Variants in SULF1 observed in about 807,000 individuals in gnomAD.
The protein encoded by SULF1 is sulfatase 1, also known as extracellular sulfatase Sulf-1.
A neutral mutation model predicts 110.5 loss-of-function variants in SULF1; 46 were observed. The observed-to-expected ratio is 0.42, with a 90% confidence interval of 0.33 to 0.53. The LOEUF (loss-of-function observed/expected upper bound fraction) is 0.53. Ranked by LOEUF, SULF1 falls within the 20% of genes least tolerant of loss-of-function variation. The pLI, the probability that SULF1 is intolerant of heterozygous loss-of-function variation, is 0.12. For missense variants in SULF1, 941 were observed against 1,094.2 expected (o/e 0.86, Z 1.98); for synonymous variants, 371 against 387.1 (o/e 0.96, Z 0.49).
Position 69,576,014 on chromosome 8 carries a change from G to A in SULF1, c.217G>A (p.Gly73Arg). ...MNKTRKIMEHGGATFINAFVT... is the reference protein window; with the variant it reads ...MNKTRKIMEHRGATFINAFVT... ...CAAAACGAGAAAGATTATGGAACATGGGGGGGCCACCTTCATCAATGCCTT... is the reference window on the plus strand; with the variant it reads ...CAAAACGAGAAAGATTATGGAACATAGGGGGGCCACCTTCATCAATGCCTT... The change falls in exon 6 of 23, where the codon GGG (glycine) becomes AGG (arginine). Residue 73 changes from glycine to arginine, a missense_variant. This residue lies in a region of SULF1 where 822 missense variants were observed against 934.3 expected (regional missense o/e 0.88). Coordinates refer to ENST00000402687, the MANE Select transcript of SULF1 (RefSeq NM_001128205.2). 6.2e-7 allele frequency: 1 copy of A among 1,613,854 alleles called. No individual in the cohort carries two copies. The highest frequency in any genetic ancestry group is 1.1e-5 in the South Asian group (1 of 91,042).
In SULF1 at chr8:69,621,041, C is replaced by T; in HGVS notation, c.1384C>T (p.Gln462Ter). The T allele has an allele frequency of 6.3e-7, 1 of 1,599,214 alleles. No homozygotes were observed. The highest frequency in any genetic ancestry group is 8.6e-7 in the Non-Finnish European group (1 of 1,168,592). The change falls in exon 14 of 23, where the codon CAA (glutamine) becomes TAA (stop). Residue 462 changes from glutamine to a stop codon, truncating the protein, a stop_gained. Coordinates refer to ENST00000402687, the MANE Select transcript of SULF1 (RefSeq NM_001128205.2). LOFTEE classifies it high-confidence loss of function. ...TACEQPGQKW[Q>*]CIEDTSGKLR... ...TTCACGTTGGCTTTTGCAGAAGTGG[C>T]AATGCATTGAGGATACATCTGGCAA...
chr8:69,605,991 A>C lies in SULF1; in HGVS notation c.1377+1059A>C, dbSNP rs150573507. Reference sequence around the variant, plus strand: ...AGGTGAAGAGAAGTTCAAATCTGTGAGTCTTTTTTAACTTAACTGACCTCT... The same window carrying C: ...AGGTGAAGAGAAGTTCAAATCTGTGCGTCTTTTTTAACTTAACTGACCTCT... On this transcript the variant is annotated intron_variant, in intron 13 of 22. Transcript: ENST00000402687. 2.4e-3 allele frequency among the ~76,000 whole-genome samples: 364 copies of C among 152,308 alleles called. 1 individual carries two copies. Among genetic ancestry groups the C allele is most frequent in the African/African-American group, 8.5e-3 (353 of 41,570 alleles).
intron 6 of SULF1, among the ~76,000 whole-genome samples, chr8:69,578,347 T>A (rs1370687621): frequency 6.6e-6 from 1 of 152,022 alleles, no homozygotes; most frequent in African/African-American, 2.4e-5. Context: ...TATTTGTTTA[T>A]TTATTTTATT....
At chr8:69,495,101 A>G (rs1313942745) in intron 1 of SULF1, among the ~76,000 whole-genome samples, 1 of 152,230 alleles carries the variant, frequency 6.6e-6, no homozygotes, top group East Asian at 1.9e-4. Flanking sequence ...ATAGAATACC[A>G]TAGAACAAGA....
intron 18 of SULF1, 53 bp from the exon 19 acceptor site, chr8:69,629,451 T>A (rs943714070): frequency 6.6e-5 from 102 of 1,539,806 alleles, no homozygotes; most frequent in Non-Finnish European, 8.6e-5. Flanking sequence ...AGCCTATTTG[T>A]AATTGAGAAA....
At chr8:69,562,066 C>T (rs774560227) in intron 3 of SULF1, among the ~76,000 whole-genome samples, 13 of 152,296 alleles carry the variant, frequency 8.5e-5, no homozygotes, top group Non-Finnish European at 1.8e-4. Context: ...TTGTTTGTTG[C>T]AGATAATGTA....
chr8:69,504,788 C>T (rs777813386), intron 3 of SULF1, among the ~76,000 whole-genome samples: 66 of 152,020 alleles, frequency 4.3e-4, no homozygotes, highest in Non-Finnish European at 7.1e-4. Context: ...GATAAGCAGA[C>T]GAGTCACTTC....
chr8:69,584,013 A>T (rs1446463499), intron 6 of SULF1, among the ~76,000 whole-genome samples: 1 of 152,218 alleles, frequency 6.6e-6, no homozygotes, highest in Non-Finnish European at 1.5e-5. Context: ...TAACAGAGAA[A>T]TAGGAGATGG....
intron 19 of SULF1, among the ~76,000 whole-genome samples, chr8:69,634,924 C>T (rs918893725): frequency 2.0e-5 from 3 of 152,138 alleles, no homozygotes; most frequent in African/African-American, 7.2e-5. Context: ...TCTCCTGCCT[C>T]AGCTGGGATT....
rs766119928 is a variant in SULF1 at position 69,576,091 on chromosome 8, G to T, written c.294G>T (p.Lys98Asn). 6 of 1,614,188 alleles carry T rather than the reference G, an allele frequency of 3.7e-6. No individual in the cohort carries two copies. Among genetic ancestry groups the T allele is most frequent in the Non-Finnish European group, 5.1e-6 (6 of 1,180,034 alleles). The change falls in exon 6 of 23, where the codon AAG becomes AAT. Residue 98 changes from lysine (K) to asparagine (N), a missense_variant. This residue lies in a region of SULF1 where 822 missense variants were observed against 934.3 expected (regional missense o/e 0.88). Transcript: ENST00000402687. Reference protein sequence around the residue: ...CPSRSSMLTGKYVHNHNVYTN... With the variant: ...CPSRSSMLTGNYVHNHNVYTN... ...CACGGTCCTCCATGCTCACCGGGAA[G>T]TATGTGCACAATCACAATGTCTACA...
At chr8:69,580,573 A>T (rs1038648643) in intron 6 of SULF1, among the ~76,000 whole-genome samples, 1 of 152,174 alleles carries the variant, frequency 6.6e-6, no homozygotes, top group African/African-American at 2.4e-5. Flanking sequence ...TTCTTGTCCA[A>T]AGTTACAGTG....
chr8:69,490,545 G>C (rs957050465), upstream of SULF1, among the ~76,000 whole-genome samples: 1 of 152,156 alleles, frequency 6.6e-6, no homozygotes, highest in Non-Finnish European at 1.5e-5. Context: ...TAAAGTCCAA[G>C]CCAGATTGCC....
At chr8:69,611,208 A>G (rs1340569901) in intron 13 of SULF1, among the ~76,000 whole-genome samples, 1 of 152,250 alleles carries the variant, frequency 6.6e-6, no homozygotes, top group Non-Finnish European at 1.5e-5. Context: ...AATTAAATGT[A>G]TCAAGCATCT....
At chr8:69,504,519 T>G (rs1307371076) in intron 3 of SULF1, among the ~76,000 whole-genome samples, 1 of 152,104 alleles carries the variant, frequency 6.6e-6, no homozygotes, top group African/African-American at 2.4e-5. Context: ...TGTGCCATTG[T>G]ACTCCAGCCT....
chr8:69,467,684 AG>A (rs1321930621), intron 1 of SULF1, among the ~76,000 whole-genome samples: 2 of 152,258 alleles, frequency 1.3e-5, no homozygotes, highest in African/African-American at 4.8e-5. Context: ...GGAAAACTAA[AG>A]TAGCATCTCT....
At position 69,658,208 on chromosome 8, in the gene SULF1, G is replaced by C. The variant is rs112441747; in HGVS notation, c.2586-297G>C. ...GCTCTTCTGGTTGCAAAGTTGATTT[G>C]AGTGGGGCCAGGAGTGAAACCCAAA... On this transcript the variant is annotated intron_variant, in intron 22 of 22. Transcript: ENST00000402687. Among the ~76,000 whole-genome samples the C allele has an allele frequency of 7.0e-3, 1,071 of 152,290 alleles. 12 individuals are homozygous for C. The highest frequency in any genetic ancestry group is 0.025 in the African/African-American group (1,026 of 41,538).
intron 6 of SULF1, among the ~76,000 whole-genome samples, chr8:69,579,160 C>CAAAAAAAA (rs1179542392): frequency 1.9e-5 from 1 of 52,760 alleles, no homozygotes; most frequent in Non-Finnish European, 4.3e-5. Context: ...GACTCTGTCT[C>CAAAAAAAA]AAAAAAAAAA....
intron 8 of SULF1, among the ~76,000 whole-genome samples, chr8:69,596,409 T>C (rs1235208376): frequency 1.3e-5 from 2 of 152,174 alleles, no homozygotes; most frequent in Non-Finnish European, 2.9e-5. Flanking sequence ...TATTGTGTTA[T>C]CTACCTTTTC....
intron 1 of SULF1, among the ~76,000 whole-genome samples, chr8:69,481,159 T>G (rs1809506345): frequency 6.6e-6 from 1 of 152,076 alleles, no homozygotes; most frequent in South Asian, 2.1e-4. Flanking sequence ...AAGAAATACG[T>G]CATAGGAAAA....
Sources: gnomAD v4.1 joint callset for allele counts (sites outside exome capture counted in the v4.1 genomes callset) on GRCh38, gnomAD v4.1.1 for gene constraint, gnomAD v4.1.1 regional missense constraint, MANE v1.5 for transcripts, NCBI Gene and HGNC (gene_info 2026-07-23, HGNC 2026-07-21) for gene names.